PGAP1: variants seen among roughly 807,000 people sequenced by gnomAD.
The protein encoded by PGAP1 is post-GPI attachment to proteins inositol deacylase 1, also known as GPI inositol-deacylase.
Under a neutral mutation model 127.0 loss-of-function variants are expected in PGAP1, and 76 were observed. The ratio of observed to expected loss-of-function variants is 0.60; its 90% CI spans 0.50 to 0.72. The LOEUF is 0.72. PGAP1 is among the 30% of genes least tolerant of loss of function. The pLI, the probability that PGAP1 is intolerant of heterozygous loss-of-function variation, is 0.00. For synonymous variants in PGAP1, 362 were observed against 366.5 expected, an observed-to-expected ratio of 0.99 and a Z score of 0.14; for missense variants, 982 against 1,071.3, an observed-to-expected ratio of 0.92 and a Z score of 1.16.
chr2:196,880,183 AT>A, intron 12 of PGAP1, 30 bp from the exon 13 acceptor site: 1 of 1,316,300 alleles, frequency 7.6e-7, no homozygotes, highest in Non-Finnish European at 1.0e-6. Context: ...AACTACTTTT[AT>A]TTCTTAGAGA....
At chr2:196,898,465 T>C in intron 5 of PGAP1, 96 bp from the exon 6 acceptor site, 3 of 795,868 alleles carry the variant, frequency 3.8e-6, no homozygotes, top group Non-Finnish European at 4.2e-6. Flanking sequence ...AAACACATAA[T>C]ATAGTTTCAC....
intron 20 of PGAP1, among the ~76,000 whole-genome samples, chr2:196,857,626 AAAAC>A (rs1298431787): frequency 5.9e-5 from 9 of 152,346 alleles, no homozygotes; most frequent in East Asian, 1.9e-4. Flanking sequence ...ATTTGTGTTA[AAAAC>A]AAACAAACAA....
At position 196,847,089 on chromosome 2, in the gene PGAP1, CAG is replaced by C; in HGVS notation, c.2062_2063del (p.Leu688ValfsTer32). ...CFPLISLILF[L>X]FGTCTAYWSG... The stretch of plus-strand genomic sequence containing the variant: ...TCCAGTAGGCAGTACACGTTCCAAA[CAG>C]AAAGAGAATCAAGGATATCAGGGGG... On this transcript the variant is annotated frameshift_variant, in exon 22 of 27. Transcript: ENST00000354764. LOFTEE classifies it high-confidence loss of function. 6.2e-7 allele frequency: 1 copy of C among 1,613,638 alleles called. No homozygotes were observed. Among genetic ancestry groups the C allele is most frequent in the East Asian group, 2.2e-5 (1 of 44,832 alleles).
intron 14 of PGAP1, chr2:196,873,978 A>T (rs889757687): frequency 7.5e-5 from 31 of 413,240 alleles, no homozygotes; most frequent in Non-Finnish European, 1.3e-5. Flanking sequence ...CTTTTAAAAA[A>T]GTCAGGTATA....
chr2:196,916,701 A>G (rs1703021494), intron 2 of PGAP1, 108 bp from the exon 3 acceptor site: 1 of 1,100,668 alleles, frequency 9.1e-7, no homozygotes, highest in Admixed American at 3.5e-5. Context: ...ACGAATATAA[A>G]CCACCTATTT....
intron 20 of PGAP1, among the ~76,000 whole-genome samples, chr2:196,848,920 C>A (rs1700636197): frequency 6.6e-6 from 1 of 152,158 alleles, no homozygotes; most frequent in Non-Finnish European, 1.5e-5. Context: ...TACACTCCTA[C>A]CAGCAGTGTA....
intron 23 of PGAP1, among the ~76,000 whole-genome samples, chr2:196,845,602 A>T (rs1348986811): frequency 6.6e-6 from 1 of 151,948 alleles, no homozygotes; most frequent in Non-Finnish European, 1.5e-5. Flanking sequence ...AAAAAAAAAA[A>T]ATTTAACACT....
intron 19 of PGAP1, among the ~76,000 whole-genome samples, chr2:196,868,269 C>G (rs1701303461): frequency 6.6e-6 from 1 of 152,118 alleles, no homozygotes; most frequent in Non-Finnish European, 1.5e-5. Context: ...TTATTGTTAC[C>G]TTTAATGCCC....
intron 13 of PGAP1, among the ~76,000 whole-genome samples, chr2:196,879,580 A>G (rs537554073): frequency 6.6e-6 from 1 of 152,268 alleles, no homozygotes; most frequent in East Asian, 1.9e-4. Flanking sequence ...CTGTAGTCCC[A>G]GCTACTTGGG....
chr2:196,846,939 T>G (rs1471511403), intron 22 of PGAP1, 64 bp downstream of exon 22: 1 of 1,318,632 alleles, frequency 7.6e-7, no homozygotes. Flanking sequence ...AATTTCAGGT[T>G]CCTTATCAGA....
chr2:196,920,540 C>A (rs544963024), intron 1 of PGAP1, among the ~76,000 whole-genome samples: 7 of 152,184 alleles, frequency 4.6e-5, no homozygotes, highest in Middle Eastern at 3.4e-3. Flanking sequence ...CAAATCAATT[C>A]TTTTTTTCCA....
intron 20 of PGAP1, among the ~76,000 whole-genome samples, chr2:196,853,985 A>G (rs1700796986): frequency 6.7e-6 from 1 of 150,132 alleles, no homozygotes; most frequent in African/African-American, 2.5e-5. Flanking sequence ...CAACCTTCCA[A>G]GCTTAAGTAA....
intron 1 of PGAP1, among the ~76,000 whole-genome samples, chr2:196,923,736 C>T (rs1312437924): frequency 2.6e-5 from 4 of 151,588 alleles, no homozygotes; most frequent in Non-Finnish European, 2.9e-5. Context: ...TCTTGGCTCA[C>T]TGCAACCTCC....
Position 196,913,003 on chromosome 2 carries a change from A to T in PGAP1, c.528T>A (p.Gly176=). 1.9e-6 allele frequency: 3 copies of T among 1,613,572 alleles called. No homozygotes were observed. In the South Asian group the frequency reaches 3.3e-5, roughly 18 times the overall value. Residue 176 remains glycine (G), a synonymous_variant, in exon 4 of 27, where the codon GGT becomes GGA. Transcript: ENST00000354764. ...KSVAIIGHSM[G]GLVARALLTL... ...TAAGCAATGCTCTTGCAACAAGGCCACCCATAGAATGACCAATTATTGCCA... is the reference window on the plus strand; with the variant it reads ...TAAGCAATGCTCTTGCAACAAGGCCTCCCATAGAATGACCAATTATTGCCA...
intron 20 of PGAP1, among the ~76,000 whole-genome samples, chr2:196,864,322 G>A (rs967516686): frequency 6.7e-6 from 1 of 148,238 alleles, no homozygotes; most frequent in Non-Finnish European, 1.5e-5. Flanking sequence ...CCAGGGAGGT[G>A]GAGGTTACAG....
chr2:196,851,914 G>A (rs1415984630), intron 20 of PGAP1, among the ~76,000 whole-genome samples: 1 of 152,094 alleles, frequency 6.6e-6, no homozygotes, highest in Non-Finnish European at 1.5e-5. Flanking sequence ...TTTACATTCT[G>A]TTCGTTAGAC....
intron 7 of PGAP1, among the ~76,000 whole-genome samples, chr2:196,893,539 C>A (rs922473050): frequency 6.6e-6 from 1 of 152,152 alleles, no homozygotes; most frequent in African/African-American, 2.4e-5. Flanking sequence ...GCTCTAGAGT[C>A]CATGCTTTCA....
chr2:196,865,737 A>T (rs1027320779), intron 19 of PGAP1, among the ~76,000 whole-genome samples: 1 of 151,024 alleles, frequency 6.6e-6, no homozygotes, highest in Middle Eastern at 3.4e-3. Flanking sequence ...TCAGTGCCTA[A>T]GTTCATAATC....
Position 196,926,603 on chromosome 2 carries a change from G to A in PGAP1, c.14C>T (p.Ser5Leu), listed in dbSNP as rs777757143. The A allele has an allele frequency of 1.2e-6, 2 of 1,614,224 alleles. No homozygotes were observed. Among genetic ancestry groups the A allele is most frequent in the Non-Finnish European group, 1.7e-6 (2 of 1,180,028 alleles). The change falls in exon 1 of 27, where the codon TCA (serine) becomes TTA (leucine). Residue 5 changes from serine to leucine, a missense_variant. By Grantham distance (145) the Ser-to-Leu change is moderately radical (BLOSUM62 -2). Coordinates refer to ENST00000354764, the MANE Select transcript of PGAP1 (RefSeq NM_024989.4). Reference sequence around the variant, plus strand: ...AAACGCCAGGTTCCAGAGATTAACTGAGTGAAGAAACATGGTGCCGCCACC... The same window carrying A: ...AAACGCCAGGTTCCAGAGATTAACTAAGTGAAGAAACATGGTGCCGCCACC... Reference protein sequence around the residue: MFLHSVNLWNLAFYV... With the variant: MFLHLVNLWNLAFYV...
Sources: gnomAD v4.1 joint callset for allele counts (sites outside exome capture counted in the v4.1 genomes callset) on GRCh38, gnomAD v4.1.1 for gene constraint, MANE v1.5 for transcripts, NCBI Gene and HGNC (gene_info 2026-07-23, HGNC 2026-07-21) for gene names.